ZNF148: variants seen among roughly 807,000 people sequenced by gnomAD.
ZNF148 encodes zinc finger protein 148, also known as Beta-Enolase Repressor Factor-1.
A neutral mutation model predicts 67.7 loss-of-function variants in ZNF148; 7 were observed. The observed-to-expected ratio is 0.10, with a 90% CI of 0.06 to 0.19. ZNF148 has a LOEUF of 0.19. Ranked by LOEUF, ZNF148 falls within the 10% of genes least tolerant of loss-of-function variation. The pLI is 1.00. For synonymous variants in ZNF148, 333 were observed against 330.7 expected, an observed-to-expected ratio of 1.01 and a Z score of -0.08; for missense variants, 583 against 947.1, an observed-to-expected ratio of 0.62 and a Z score of 5.05.
chr3:125,298,346 TACACACACACAC>T (rs141809192), intron 4 of ZNF148, among the ~76,000 whole-genome samples: 2 of 145,654 alleles, frequency 1.4e-5, no homozygotes, highest in African/African-American at 2.6e-5. Flanking sequence ...TAAATGTGCA[TACACACACACAC>T]ACACACACAC....
intron 1 of ZNF148, among the ~76,000 whole-genome samples, chr3:125,341,907 A>T (rs1941737637): frequency 6.7e-6 from 1 of 148,892 alleles, no homozygotes; most frequent in Non-Finnish European, 1.5e-5. Flanking sequence ...AAGGTAGGGG[A>T]ATGACTTGAG....
At chr3:125,257,479 G>C (rs542803784) in intron 7 of ZNF148, among the ~76,000 whole-genome samples, 1 of 151,172 alleles carries the variant, frequency 6.6e-6, no homozygotes, top group Admixed American at 6.6e-5. Context: ...GCTTGAACTC[G>C]GGCTGCGGAG....
intron 1 of ZNF148, among the ~76,000 whole-genome samples, chr3:125,363,812 G>A (rs1434184130): frequency 1.3e-5 from 2 of 151,928 alleles, no homozygotes; most frequent in African/African-American, 2.4e-5. Flanking sequence ...ACCATGCCCC[G>A]CTAATTTTTT....
intron 1 of ZNF148, among the ~76,000 whole-genome samples, chr3:125,360,478 G>T (rs1942502294): frequency 6.6e-6 from 1 of 151,846 alleles, no homozygotes; most frequent in Non-Finnish European, 1.5e-5. Flanking sequence ...TAGAGACAGG[G>T]TTTCCCTATG....
Position 125,234,313 on chromosome 3 carries a change from G to A in ZNF148, c.684C>T (p.Arg228=), listed in dbSNP as rs1366490485. 6.2e-7 allele frequency: 1 copy of A among 1,606,420 alleles called. No individual in the cohort carries two copies. The highest frequency in any genetic ancestry group is 2.2e-5 in the East Asian group (1 of 44,706). Residue 228 remains arginine, a synonymous_variant, in exon 8 of 9, where the codon CGC becomes CGT. Coordinates refer to ENST00000360647, the MANE Select transcript of ZNF148 (RefSeq NM_021964.3). ...EKIHTGEKPF[R]CDECGMRFIQ... is the part of the protein sequence containing the mutation. ...TGAATCTCATACCACATTCATCACA[G>A]CGAAATGGTTTTTCACCTAGCACAT...
At chr3:125,298,346 TACACACAC>T (rs141809192) in intron 4 of ZNF148, among the ~76,000 whole-genome samples, 54 of 145,764 alleles carry the variant, frequency 3.7e-4, no homozygotes, top group South Asian at 6.5e-4. Flanking sequence ...TAAATGTGCA[TACACACAC>T]ACACACACAC....
intron 1 of ZNF148, among the ~76,000 whole-genome samples, chr3:125,355,161 C>T (rs984070273): frequency 6.6e-6 from 1 of 152,168 alleles, no homozygotes; most frequent in Admixed American, 6.5e-5. Context: ...ACTTCATAAC[C>T]TTTGACCCAT....
At chr3:125,269,299 T>G (rs1168753972) in intron 7 of ZNF148, among the ~76,000 whole-genome samples, 4 of 151,586 alleles carry the variant, frequency 2.6e-5, no homozygotes, top group Non-Finnish European at 5.9e-5. Flanking sequence ...GAGGATCGCT[T>G]GAGCCCGGGA....
chr3:125,257,907 T>C (rs1488722712), intron 7 of ZNF148, among the ~76,000 whole-genome samples: 2 of 152,176 alleles, frequency 1.3e-5, no homozygotes, highest in Non-Finnish European at 2.9e-5. Flanking sequence ...TCCCTACCTT[T>C]ATAGTGTTCC....
intron 7 of ZNF148, among the ~76,000 whole-genome samples, chr3:125,234,888 G>A (rs1462461087): frequency 2.6e-5 from 4 of 151,916 alleles, no homozygotes; most frequent in Non-Finnish European, 5.9e-5. Flanking sequence ...TATCATTTAG[G>A]GAATGAATTA....
At chr3:125,354,927 A>C (rs1164212891) in intron 1 of ZNF148, among the ~76,000 whole-genome samples, 3 of 152,158 alleles carry the variant, frequency 2.0e-5, no homozygotes, top group Non-Finnish European at 4.4e-5. Flanking sequence ...TTGTAATTTG[A>C]TTAAATTTAT....
chr3:125,305,491 T>C (rs1035693684), intron 4 of ZNF148, among the ~76,000 whole-genome samples: 7 of 152,076 alleles, frequency 4.6e-5, no homozygotes, highest in Non-Finnish European at 1.0e-4. Context: ...GAACATGTAG[T>C]TCAGTGAGTA....
At chr3:125,316,494 C>T (rs1221866437) in intron 3 of ZNF148, among the ~76,000 whole-genome samples, 1 of 152,188 alleles carries the variant, frequency 6.6e-6, no homozygotes, top group African/African-American at 2.4e-5. Context: ...TTCTCCACAT[C>T]CTCACCAGCA....
At position 125,263,550 on chromosome 3, in the gene ZNF148, C is replaced by CAAA. The variant is rs35704064; in HGVS notation, c.667+14173_667+14175dup. Among the ~76,000 whole-genome samples, 1,213 of 147,248 alleles carry CAAA rather than the reference C, an allele frequency of 8.2e-3. 10 individuals carry two copies. Among genetic ancestry groups the CAAA allele is most frequent in the Non-Finnish European group, 0.013 (892 of 66,774 alleles). On this transcript the variant is annotated intron_variant, in intron 7 of 8. Coordinates refer to ENST00000360647, the MANE Select transcript of ZNF148 (RefSeq NM_021964.3). ...TAGGAAATAGAGTAAGACTCTGTCT[C>CAAA]AAAAAAAAAAAAGAAATATACATTC... is the stretch of plus-strand genomic sequence containing the variant.
At chr3:125,308,082 A>G (rs1939987411) in intron 4 of ZNF148, among the ~76,000 whole-genome samples, 1 of 152,218 alleles carries the variant, frequency 6.6e-6, no homozygotes, top group Non-Finnish European at 1.5e-5. Flanking sequence ...GCAATAAGAA[A>G]AAGAAATAAA....
chr3:125,264,270 G>T (rs1937474140), intron 7 of ZNF148, among the ~76,000 whole-genome samples: 1 of 152,206 alleles, frequency 6.6e-6, no homozygotes, highest in Admixed American at 6.5e-5. Context: ...AGTACAAGAG[G>T]CCTAAACTTG....
At chr3:125,329,756 T>A (rs1941202796) in intron 2 of ZNF148, among the ~76,000 whole-genome samples, 2 of 151,758 alleles carry the variant, frequency 1.3e-5, no homozygotes. Context: ...CATAAGTAGA[T>A]GACTAATTAG....
intron 6 of ZNF148, among the ~76,000 whole-genome samples, chr3:125,278,179 T>C (rs2107606356): frequency 6.6e-6 from 1 of 152,268 alleles, no homozygotes; most frequent in East Asian, 1.9e-4. Context: ...GCCCATCCTG[T>C]TTTCTCCCTA....
Position 125,227,456 on chromosome 3 carries a change from C to T in ZNF148, c.*4885G>A, listed in dbSNP as rs1284121934. On this transcript the variant is annotated 3_prime_UTR_variant, in exon 9 of 9. Transcript: ENST00000360647. ...CGTGCTCCACCATCAGGATTTCCAT[C>T]ACACACATTTAATTTCTTCTGTACA... The T allele has an allele frequency of 6.6e-6, 1 of 152,570 alleles. No homozygotes were observed. The highest frequency in any genetic ancestry group is 1.5e-5 in the Non-Finnish European group (1 of 68,012). 9.5% of individuals were successfully genotyped at this position (152,570 alleles called of 1,614,324 possible). A position where few individuals can be genotyped will look rare whatever the true frequency, so the allele number is the denominator to read the frequency against.
Sources: gnomAD v4.1 joint callset for allele counts (sites outside exome capture counted in the v4.1 genomes callset) on GRCh38, gnomAD v4.1.1 for gene constraint, MANE v1.5 for transcripts, NCBI Gene and HGNC (gene_info 2026-07-23, HGNC 2026-07-21) for gene names.